ATP6V1H: variants seen among roughly 807,000 people sequenced by gnomAD.
ATP6V1H encodes the protein V-type proton ATPase subunit H.
In ATP6V1H, 39 loss-of-function variants were observed where a neutral mutation model predicts 71.7. That is an observed-to-expected ratio of 0.54 (90% CI 0.42 to 0.71). The LOEUF is 0.71. Ranked by LOEUF, ATP6V1H falls within the 30% of genes least tolerant of loss-of-function variation. The pLI is 0.00. For synonymous variants in ATP6V1H, 192 were observed against 199.3 expected, an observed-to-expected ratio of 0.96 and a Z score of 0.31; for missense variants, 509 against 594.9, an observed-to-expected ratio of 0.86 and a Z score of 1.50.
At chr8:53,750,595 A>G (rs1807756907) in intron 12 of ATP6V1H, among the ~76,000 whole-genome samples, 5 of 152,198 alleles carry the variant, frequency 3.3e-5, no homozygotes, top group Admixed American at 3.3e-4. Context: ...CCAGCAAAAC[A>G]TTTACTTGCA....
At chr8:53,717,369 C>T (rs147862388) in intron 13 of ATP6V1H, among the ~76,000 whole-genome samples, 427 of 152,256 alleles carry the variant, frequency 2.8e-3, no homozygotes, top group African/African-American at 1.0e-2. Flanking sequence ...CGCACCACTC[C>T]CCCCAATCCA....
chr8:53,718,758 G>C (rs1260794435), intron 13 of ATP6V1H, among the ~76,000 whole-genome samples: 1 of 152,142 alleles, frequency 6.6e-6, no homozygotes, highest in African/African-American at 2.4e-5. Flanking sequence ...ACCTAAGTAC[G>C]TGACACATAG....
At chr8:53,748,061 G>C (rs1204722691) in intron 12 of ATP6V1H, among the ~76,000 whole-genome samples, 1 of 152,134 alleles carries the variant, frequency 6.6e-6, no homozygotes, top group Admixed American at 6.5e-5. Context: ...AGGAGGCTGA[G>C]GCAGGAGAAC....
chr8:53,781,291 G>T (rs867675825), intron 9 of ATP6V1H, among the ~76,000 whole-genome samples: 9 of 152,320 alleles, frequency 5.9e-5, no homozygotes, highest in Middle Eastern at 3.4e-3. Context: ...CTGATGGCCA[G>T]TGATGATGAG....
intron 11 of ATP6V1H, among the ~76,000 whole-genome samples, chr8:53,759,283 T>A (rs1808180536): frequency 6.6e-6 from 1 of 152,240 alleles, no homozygotes; most frequent in African/African-American, 2.4e-5. Context: ...GAAAACATTT[T>A]TGTATTATTA....
chr8:53,771,862 T>C (rs1808670281), intron 10 of ATP6V1H, 127 bp downstream of exon 10: 1 of 769,352 alleles, frequency 1.3e-6, no homozygotes, highest in South Asian at 1.8e-5. Flanking sequence ...TCAGGAGACA[T>C]TAACGTATTT....
At chr8:53,752,277 C>A (rs183536895) in intron 12 of ATP6V1H, among the ~76,000 whole-genome samples, 2 of 152,254 alleles carry the variant, frequency 1.3e-5, no homozygotes, top group African/African-American at 4.8e-5. Context: ...TTACTGAATG[C>A]GACCAACAAG....
intron 6 of ATP6V1H, among the ~76,000 whole-genome samples, chr8:53,814,006 TGGCCA>T (rs1563478685): frequency 1.3e-5 from 2 of 152,110 alleles, no homozygotes; most frequent in African/African-American, 2.4e-5. Context: ...GGGAGGGACT[TGGCCA>T]GACAAGGACA....
intron 12 of ATP6V1H, among the ~76,000 whole-genome samples, chr8:53,751,342 T>C (rs1217355991): frequency 2.0e-5 from 3 of 152,226 alleles, no homozygotes; most frequent in Middle Eastern, 3.2e-3. Context: ...GGACTAGCTA[T>C]GTGCAGCAGA....
chr8:53,836,893 C>G (rs1366129293), intron 2 of ATP6V1H, among the ~76,000 whole-genome samples: 1 of 152,164 alleles, frequency 6.6e-6, no homozygotes, highest in Admixed American at 6.5e-5. Flanking sequence ...GTAATCCCAG[C>G]ACTTTGGGAG....
intron 13 of ATP6V1H, among the ~76,000 whole-genome samples, chr8:53,739,162 T>G (rs1807331098): frequency 6.6e-6 from 1 of 152,034 alleles, no homozygotes; most frequent in African/African-American, 2.4e-5. Context: ...AATTTAGAAA[T>G]TAGAAATTAG....
Position 53,769,657 on chromosome 8 carries a change from T to C in ATP6V1H, c.1136A>G (p.Asn379Ser), listed in dbSNP as rs1808587044. ...ATTCTTCTCATTTAACCTCACAGCA[T>C]TCTCTCTCCAAAATTTCTCAGATTT... ...VHKSEKFWRENAVRLNEKNYE... is the reference protein window; with the variant it reads ...VHKSEKFWRESAVRLNEKNYE... Residue 379 changes from asparagine to serine, a missense_variant, in exon 11 of 14, where the codon AAT becomes AGT. Asn to Ser is a conservative substitution (Grantham distance 46). Transcript: ENST00000359530. The C allele has an allele frequency of 6.2e-7, 1 of 1,613,234 alleles. No homozygotes were observed. Among genetic ancestry groups the C allele is most frequent in the Admixed American group, 1.7e-5 (1 of 59,986 alleles).
At chr8:53,814,528 G>C in intron 6 of ATP6V1H, 134 bp downstream of exon 6, 3 of 556,044 alleles carry the variant, frequency 5.4e-6, no homozygotes, top group Non-Finnish European at 6.3e-6. Context: ...AGAGTAGTTT[G>C]GTTTACTTGA....
At position 53,735,713 on chromosome 8, in the gene ATP6V1H, A is replaced by G. The variant is rs550693451; in HGVS notation, c.1391+7864T>C. On this transcript the variant is annotated intron_variant, in intron 13 of 13. Transcript: ENST00000359530. ...TAGCCATACAAAGTGTTCATAATTA[A>G]GCACACAAAAATGCCTATAAGCCTG... Among the ~76,000 whole-genome samples, 53 of 152,338 alleles carry G rather than the reference A, an allele frequency of 3.5e-4. 1 individual carries two copies. Among genetic ancestry groups the G allele is most frequent in the African/African-American group, 1.2e-3 (51 of 41,578 alleles).
At chr8:53,729,847 C>T (rs558803629) in intron 13 of ATP6V1H, among the ~76,000 whole-genome samples, 4 of 152,154 alleles carry the variant, frequency 2.6e-5, no homozygotes, top group African/African-American at 9.7e-5. Flanking sequence ...TGTACTAGCC[C>T]AGGTCATCCT....
chr8:53,719,317 C>T (rs936588762), intron 13 of ATP6V1H, among the ~76,000 whole-genome samples: 6 of 152,046 alleles, frequency 3.9e-5, no homozygotes, highest in Admixed American at 6.5e-5. Context: ...ATTACAGGCA[C>T]GCACCACCAC....
intron 11 of ATP6V1H, among the ~76,000 whole-genome samples, chr8:53,757,418 G>C (rs1353658820): frequency 6.6e-6 from 1 of 152,204 alleles, no homozygotes; most frequent in Non-Finnish European, 1.5e-5. Context: ...AATCCAAGGA[G>C]CTTGGAAAGG....
At chr8:53,793,396 T>G (rs1190182152) in intron 9 of ATP6V1H, among the ~76,000 whole-genome samples, 1 of 152,134 alleles carries the variant, frequency 6.6e-6, no homozygotes, top group Non-Finnish European at 1.5e-5. Flanking sequence ...CCACAATTTT[T>G]GGGAGGCTGA....
At chr8:53,803,451 G>A (rs377553764) in intron 7 of ATP6V1H, among the ~76,000 whole-genome samples, 3 of 152,106 alleles carry the variant, frequency 2.0e-5, no homozygotes, top group East Asian at 3.8e-4. Flanking sequence ...AGAATCACAG[G>A]TGTTATATAA....
Sources: allele counts gnomAD v4.1 joint callset (sites outside exome capture counted in the v4.1 genomes callset), GRCh38; gene constraint gnomAD v4.1.1; transcripts MANE v1.5; gene names NCBI Gene and HGNC (gene_info 2026-07-23, HGNC 2026-07-21).